Variants in GRAMD1A observed in about 807,000 individuals in gnomAD.
GRAMD1A encodes protein Aster-A.
A neutral mutation model predicts 92.0 loss-of-function variants in GRAMD1A; 50 were observed. That is an observed-to-expected ratio of 0.54 (90% CI 0.43 to 0.69). The LOEUF (loss-of-function observed/expected upper bound fraction) is 0.69, where lower values mean the gene tolerates loss of function less well. Ranked by LOEUF, GRAMD1A falls within the 30% of genes least tolerant of loss-of-function variation. The pLI is 0.00. For missense variants in GRAMD1A, 819 were observed against 978.9 expected, an observed-to-expected ratio of 0.84 and a Z score of 2.18; for synonymous variants, 405 against 403.6, an observed-to-expected ratio of 1.00 and a Z score of -0.04.
At position 35,021,377 on chromosome 19, in the gene GRAMD1A, GT is replaced by G; in HGVS notation, c.1476-121del. ...GCCATGGGGGGTAGGGAACCCATCTGTTTTGTCTGTGAGTGACAAGGGGCCC... is the reference window on the plus strand; with the variant it reads ...GCCATGGGGGGTAGGGAACCCATCTGTTTGTCTGTGAGTGACAAGGGGCCC... On this transcript the variant is annotated intron_variant, in intron 13 of 19. Coordinates refer to ENST00000317991, the MANE Select transcript of GRAMD1A (RefSeq NM_020895.5). This position sits in a 1 kb window ranked among gnomAD's most constrained non-coding sequence, Gnocchi z 5.3. 1 of 720,842 alleles carries G rather than the reference GT, an allele frequency of 1.4e-6. No individual in the cohort carries two copies. The highest frequency in any genetic ancestry group is 2.5e-6 in the Non-Finnish European group (1 of 407,470). 44.7% of individuals were successfully genotyped at this position (720,842 alleles called of 1,614,324 possible). A position where few individuals can be genotyped will look rare whatever the true frequency, so the allele number is the denominator to read the frequency against.
At position 35,026,119 on chromosome 19, in the gene GRAMD1A, G is replaced by A. The variant is rs752742522; in HGVS notation, c.2153G>A (p.Arg718Gln). ...GACCCTCCCTTTGACACCCAGCCCC[G>A]GCCCGATGACAGCTTTTCCTGAGGA... Reference protein sequence around the residue: ...VSDPPFDTQPRPDDSFS With the variant: ...VSDPPFDTQPQPDDSFS The change falls in exon 20 of 20, where the codon CGG becomes CAG. Residue 718 changes from arginine (R) to glutamine (Q), a missense_variant. Around this residue, in one of 3 missense-constraint regions of GRAMD1A, gnomAD observed 577 missense variants for 674.6 expected, o/e 0.86. Transcript: ENST00000317991. The A allele has an allele frequency of 7.6e-6, 12 of 1,588,432 alleles. No homozygotes were observed. Among genetic ancestry groups the A allele is most frequent in the Admixed American group, 5.0e-5 (3 of 59,978 alleles).
Position 35,010,267 on chromosome 19 carries a change from C to A in GRAMD1A, c.430-17C>A, listed in dbSNP as rs1433104864. On this transcript the variant is annotated splice_polypyrimidine_tract_variant and intron_variant, in intron 5 of 19. Coordinates refer to ENST00000317991, the MANE Select transcript of GRAMD1A (RefSeq NM_020895.5). ...CAGGCCCCACCCCGCTCCTATTGAC[C>A]CTCCTGCTGTCCTCAGATCTCCATC... 6.2e-7 allele frequency: 1 copy of A among 1,604,992 alleles called. No individual in the cohort carries two copies. The highest frequency in any genetic ancestry group is 8.5e-7 in the Non-Finnish European group (1 of 1,171,668).
At chr19:35,009,662 G>A (rs1797280913) in intron 3 of GRAMD1A, 5 of 641,812 alleles carry the variant, frequency 7.8e-6, no homozygotes, top group South Asian at 3.6e-5. Context: ...CACCTTACAA[G>A]GCTGAAGGGA....
intron 6 of GRAMD1A, 80 bp downstream of exon 6, chr19:35,010,459 G>C (rs570711580): frequency 9.7e-6 from 9 of 926,716 alleles, no homozygotes; most frequent in Non-Finnish European, 1.4e-5. Context: ...AGCCCCATTT[G>C]TTCTGCACCC....
chr19:35,009,391 G>T, intron 2 of GRAMD1A, 32 bp from the exon 3 acceptor site: 1 of 1,614,022 alleles, frequency 6.2e-7, no homozygotes, highest in Non-Finnish European at 8.5e-7. Flanking sequence ...TGATCTAGGG[G>T]CTCATCCTGA....
chr19:34,997,389 A>C (rs1194714404), upstream of GRAMD1A, among the ~76,000 whole-genome samples: 2 of 37,302 alleles, frequency 5.4e-5, no homozygotes, highest in Non-Finnish European at 1.1e-4. Flanking sequence ...CCAAAAAAAC[A>C]AAAAAAAAAA....
Position 35,013,547 on chromosome 19 carries a change from C to A in GRAMD1A, c.726C>A (p.Pro242=), listed in dbSNP as rs774742919. The A allele has an allele frequency of 4.4e-6, 7 of 1,602,906 alleles. No individual in the cohort carries two copies. The South Asian group carries it at 6.7e-5, about 15-fold the overall frequency. Residue 242 remains proline (P), a synonymous_variant, in exon 9 of 20, where the codon CCC becomes CCA. Transcript: ENST00000317991. The surrounding 1 kb of genome is among the most constrained non-coding windows in gnomAD (Gnocchi z 4.9). ...TTCCTCCCCTTTCCCACAGGACCCCCAAGGAAGTGGGAGATGTGATCGCCC... is the reference window on the plus strand; with the variant it reads ...TTCCTCCCCTTTCCCACAGGACCCCAAAGGAAGTGGGAGATGTGATCGCCC... ...SPLQLNGLGT[P]KEVGDVIALS...
chr19:35,011,530 C>G lies in GRAMD1A; in HGVS notation c.582C>G (p.Leu194=). ...GCTGCTTCCTCCTCATCTTCCGCCT[C>G]TGGCAGAATGCACTGCTTGAAAAGG... The part of the protein sequence containing the change: ...RDRCFLLIFR[L]WQNALLEKTL... The change falls in exon 7 of 20, where the codon CTC becomes CTG. Residue 194 remains leucine (L), a synonymous_variant. Coordinates refer to ENST00000317991, the MANE Select transcript of GRAMD1A (RefSeq NM_020895.5). The G allele has an allele frequency of 6.2e-7, 1 of 1,611,492 alleles. No individual in the cohort carries two copies. The highest frequency in any genetic ancestry group is 8.5e-7 in the Non-Finnish European group (1 of 1,179,580).
rs933753312 is a variant in GRAMD1A, at chr19:35,013,803, A to G, written c.870+112A>G. ...GATTTGGAGGGGAATGGATAGGGGG[A>G]CAGGGGAGGCCTGGATGGAGGAACA... On this transcript the variant is annotated intron_variant, in intron 9 of 19. Transcript: ENST00000317991. This position sits in a 1 kb window ranked among gnomAD's most constrained non-coding sequence, Gnocchi z 4.9. The G allele has an allele frequency of 2.4e-4, 261 of 1,089,274 alleles. No homozygotes were observed. The highest frequency in any genetic ancestry group is 3.3e-4 in the Non-Finnish European group (248 of 748,010). 67.5% of individuals were successfully genotyped at this position (1,089,274 alleles called of 1,614,324 possible). A position where few individuals can be genotyped will look rare whatever the true frequency, so the allele number is the denominator to read the frequency against.
At position 35,010,087 on chromosome 19, in the gene GRAMD1A, C is replaced by G; in HGVS notation, c.326-5C>G. On this transcript the variant is annotated splice_region_variant and splice_polypyrimidine_tract_variant and intron_variant, in intron 4 of 19. Coordinates refer to ENST00000317991, the MANE Select transcript of GRAMD1A (RefSeq NM_020895.5). Reference sequence around the variant, plus strand: ...TGTCCTCCTGTCTCTCCCCGCCCCTCTCAGATTACTCCTGCGCCCTGCAGC... The same window carrying G: ...TGTCCTCCTGTCTCTCCCCGCCCCTGTCAGATTACTCCTGCGCCCTGCAGC... The G allele has an allele frequency of 6.2e-7, 1 of 1,600,844 alleles. No individual in the cohort carries two copies. Among genetic ancestry groups the G allele is most frequent in the Non-Finnish European group, 8.6e-7 (1 of 1,167,896 alleles).
chr19:35,000,337 G>T lies in GRAMD1A; in HGVS notation c.-142G>T. On this transcript the variant is annotated 5_prime_UTR_variant, in exon 1 of 20. Transcript: ENST00000317991. This position sits in a 1 kb window ranked among gnomAD's most constrained non-coding sequence, Gnocchi z 4.9. ...GCGGCTCCGGCCTTTTGTGCGGGCG[G>T]TTGGGTCGGGTGGGGGCGGCGGCCG... is the stretch of plus-strand genomic sequence containing the variant. 2.8e-6 allele frequency: 3 copies of T among 1,070,994 alleles called. No homozygotes were observed. Among genetic ancestry groups the T allele is most frequent in the Non-Finnish European group, 3.4e-6 (3 of 886,726 alleles). 66.3% of individuals were successfully genotyped at this position (1,070,994 alleles called of 1,614,324 possible).
chr19:35,018,781 C>T (rs2015822507), intron 11 of GRAMD1A, among the ~76,000 whole-genome samples: 1 of 152,096 alleles, frequency 6.6e-6, no homozygotes, highest in African/African-American at 2.4e-5. Context: ...TAGGGGGTGT[C>T]CAGGGCAAGG....
rs1360580721 is a variant in GRAMD1A, at chr19:35,009,452, C to T, written c.240+9C>T. The T allele has an allele frequency of 6.2e-7, 1 of 1,606,248 alleles. No homozygotes were observed. Among genetic ancestry groups the T allele is most frequent in the African/African-American group, 1.5e-5 (1 of 68,688 alleles). ...TGCAGAGCTGGTACAGTGTAAGTGT[C>T]TGGGCAAGGGGCTTGCTGGAGGGCT... On this transcript the variant is annotated intron_variant, in intron 3 of 19. Transcript: ENST00000317991.
Position 35,010,377 on chromosome 19 carries a change from A to G in GRAMD1A, c.523A>G (p.Lys175Glu). Residue 175 changes from lysine (K) to glutamate (E), a missense_variant and splice_region_variant, in exon 6 of 20, where the codon AAG becomes GAG. Lys to Glu is a moderately conservative substitution (Grantham distance 56). This residue lies in a region of GRAMD1A where 144 missense variants were observed against 220.3 expected (regional missense o/e 0.65). Transcript: ENST00000317991. Reference sequence around the variant, plus strand: ...CATCCAGATCTGCACGGAGAGCGAGAAGGTGACGGAGGACCCGGTGACGGG... The same window carrying G: ...CATCCAGATCTGCACGGAGAGCGAGGAGGTGACGGAGGACCCGGTGACGGG... ...NAIQICTESE[K>E]HFFTSFGARD... The G allele has an allele frequency of 6.2e-7, 1 of 1,609,382 alleles. No individual in the cohort carries two copies. The highest frequency in any genetic ancestry group is 8.5e-7 in the Non-Finnish European group (1 of 1,175,576).
Position 35,023,212 on chromosome 19 carries a change from C to T in GRAMD1A, c.1854-24C>T, listed in dbSNP as rs771671016. ...TCAGAGCATCTAGACCCCAGGAATCCTGACCTCTGACCCCTGTCCCCAGCC... is the reference window on the plus strand; with the variant it reads ...TCAGAGCATCTAGACCCCAGGAATCTTGACCTCTGACCCCTGTCCCCAGCC... On this transcript the variant is annotated intron_variant, in intron 17 of 19. Transcript: ENST00000317991. The T allele has an allele frequency of 9.7e-5, 152 of 1,565,666 alleles. 1 individual carries two copies. Among genetic ancestry groups the T allele is most frequent in the South Asian group, 9.5e-4 (86 of 90,156 alleles).
upstream of GRAMD1A, chr19:34,996,347 C>G (rs925893670): frequency 2.9e-5 from 40 of 1,381,640 alleles, no homozygotes; most frequent in Admixed American, 3.6e-4. Context: ...GGAGGGTTCT[C>G]TCTGTCAAGG....
In GRAMD1A at chr19:35,019,510, G is replaced by C. The variant is rs773279722; in HGVS notation, c.1452G>C (p.Leu484=). 13 of 1,613,930 alleles carry C rather than the reference G, an allele frequency of 8.1e-6. No individual in the cohort carries two copies. Among genetic ancestry groups the C allele is most frequent in the Admixed American group, 5.0e-5 (3 of 60,014 alleles). The change falls in exon 13 of 20, where the codon CTG becomes CTC. Residue 484 remains leucine (L), a synonymous_variant. Coordinates refer to ENST00000317991, the MANE Select transcript of GRAMD1A (RefSeq NM_020895.5). ...YTAHRYCILG[L]ARNKARLRVS... ...CCCACCGCTACTGCATCCTGGGTCT[G>C]GCCCGGAACAAGGCGCGGCTCCGGT...
rs760995517 is a variant in GRAMD1A, at chr19:35,021,611, G to A, written c.1579+6G>A. 3.1e-6 allele frequency: 5 copies of A among 1,613,678 alleles called. No individual in the cohort carries two copies. Among genetic ancestry groups the A allele is most frequent in the South Asian group, 1.1e-5 (1 of 91,070 alleles). ...AGACTATTTCCACCATCTGGGTAGGGACAGAAGGCCGGCTGGGGCGTGGGT... is the reference window on the plus strand; with the variant it reads ...AGACTATTTCCACCATCTGGGTAGGAACAGAAGGCCGGCTGGGGCGTGGGT... On this transcript the variant is annotated splice_donor_region_variant and intron_variant, in intron 14 of 19. Transcript: ENST00000317991. The surrounding 1 kb of genome is among the most constrained non-coding windows in gnomAD (Gnocchi z 5.3).
At chr19:35,003,061 G>GGGGTGTGTGTGT (rs148550515) in intron 1 of GRAMD1A, among the ~76,000 whole-genome samples, 1 of 142,232 alleles carries the variant, frequency 7.0e-6, no homozygotes, top group African/African-American at 2.7e-5. Flanking sequence ...CAATGCTGCA[G>GGGGTGTGTGTGT]GTGTGTGTGT....
Sources: allele counts gnomAD v4.1 joint callset (sites outside exome capture counted in the v4.1 genomes callset), GRCh38; gene constraint gnomAD v4.1.1; regional missense constraint gnomAD v4.1.1; non-coding constraint Gnocchi (gnomAD v3.1); transcripts MANE v1.5; gene names NCBI Gene and HGNC (gene_info 2026-07-23, HGNC 2026-07-21).